TLN2: variants seen among roughly 807,000 people sequenced by gnomAD.
TLN2 encodes talin-2.
TLN2 carries 118 observed loss-of-function variants against 294.7 expected under a neutral mutation model. That is an observed-to-expected ratio of 0.40 (90% CI 0.34 to 0.47). The LOEUF is 0.47. Among genes scored for constraint, TLN2 ranks in the 20% least tolerant of loss-of-function variants. The pLI is 0.84. For missense variants in TLN2, 3,083 were observed against 3,282.2 expected (o/e 0.94, Z 1.48); for synonymous variants, 1,431 against 1,304.5 (o/e 1.10, Z -2.09).
At chr15:62,683,565 G>A (rs909948088) in intron 11 of TLN2, among the ~76,000 whole-genome samples, 8 of 150,796 alleles carry the variant, frequency 5.3e-5, no homozygotes, top group Admixed American at 6.6e-5. Flanking sequence ...GCATTCTCCC[G>A]CCTCTCATTG....
intron 1 of TLN2, among the ~76,000 whole-genome samples, chr15:62,536,507 C>A (rs1252149022): frequency 6.6e-6 from 1 of 152,162 alleles, no homozygotes; most frequent in Non-Finnish European, 1.5e-5. Flanking sequence ...TGGTTAAATG[C>A]TGTTAATAAA....
intron 1 of TLN2, among the ~76,000 whole-genome samples, chr15:62,392,632 T>C (rs972049084): frequency 3.3e-5 from 5 of 152,142 alleles, no homozygotes; most frequent in African/African-American, 1.2e-4. Flanking sequence ...AGGCAGCCAA[T>C]TGCAGGAACG....
intron 54 of TLN2, among the ~76,000 whole-genome samples, chr15:62,827,087 G>T (rs1022069892): frequency 7.4e-6 from 1 of 134,366 alleles, no homozygotes; most frequent in African/African-American, 2.6e-5. Context: ...AGTTTTCAGG[G>T]AGGGAGGCAA....
At chr15:62,538,818 A>G (rs1222025658) in intron 1 of TLN2, among the ~76,000 whole-genome samples, 1 of 152,174 alleles carries the variant, frequency 6.6e-6, no homozygotes, top group Non-Finnish European at 1.5e-5. Flanking sequence ...AATTGTTACA[A>G]TTTCTAAGAA....
At chr15:62,738,543 C>T (rs950615931) in intron 30 of TLN2, among the ~76,000 whole-genome samples, 1 of 152,130 alleles carries the variant, frequency 6.6e-6, no homozygotes. Flanking sequence ...TCTTTGAGCC[C>T]ATGTTGCCAT....
chr15:62,586,663 T>A (rs985035688), intron 1 of TLN2, among the ~76,000 whole-genome samples: 1 of 152,172 alleles, frequency 6.6e-6, no homozygotes, highest in Non-Finnish European at 1.5e-5. Flanking sequence ...TATAACCCAA[T>A]AAAAATAAAT....
chr15:62,610,797 C>T (rs2047849792), intron 2 of TLN2, among the ~76,000 whole-genome samples: 1 of 152,184 alleles, frequency 6.6e-6, no homozygotes, highest in African/African-American at 2.4e-5. Flanking sequence ...TAAATTTTAA[C>T]ATGTGGATTT....
Position 62,673,018 on chromosome 15 carries a change from T to A in TLN2, c.789-809T>A, listed in dbSNP as rs2055615060. Among the ~76,000 whole-genome samples, 7 of 151,970 alleles carry A rather than the reference T, an allele frequency of 4.6e-5. No homozygotes were observed. The South Asian group carries it at 1.5e-3, about 32-fold the overall frequency. ...AGCAACCATAATTACTCATTTACTT[T>A]ATCCTAATTATATGTAACATCCTAC... On this transcript the variant is annotated intron_variant, in intron 9 of 58. Coordinates refer to ENST00000636159, the MANE Select transcript of TLN2 (RefSeq NM_015059.3).
chr15:62,825,173 C>T (rs2067939235), intron 54 of TLN2, among the ~76,000 whole-genome samples: 1 of 152,126 alleles, frequency 6.6e-6, no homozygotes, highest in Admixed American at 6.6e-5. Context: ...CTCTGTCAGG[C>T]GGGTTTCAAG....
intron 1 of TLN2, among the ~76,000 whole-genome samples, chr15:62,565,349 A>C (rs1361672956): frequency 6.6e-6 from 1 of 152,254 alleles, no homozygotes; most frequent in Non-Finnish European, 1.5e-5. Flanking sequence ...GTATATACAT[A>C]ATAAATTGCA....
In TLN2 at chr15:62,717,667, A is replaced by C; in HGVS notation, c.2855A>C (p.Gln952Pro). 1 of 1,599,244 alleles carries C rather than the reference A, an allele frequency of 6.3e-7. No homozygotes were observed. The highest frequency in any genetic ancestry group is 8.5e-7 in the Non-Finnish European group (1 of 1,173,778). Residue 952 changes from glutamine (Q) to proline (P), a missense_variant, in exon 24 of 59, where the codon CAG (glutamine) becomes CCG (proline). By Grantham distance (76) the Gln-to-Pro change is moderately conservative. Coordinates refer to ENST00000636159, the MANE Select transcript of TLN2 (RefSeq NM_015059.3). ...AVSNKNPAAQ[Q>P]QLVQSCKAVA... is the part of the protein sequence containing the mutation. ...TCCAACAAGAACCCTGCGGCCCAGC[A>C]GCAGCTGGTCCAGAGTTGCAAGGTG...
intron 2 of TLN2, among the ~76,000 whole-genome samples, chr15:62,611,171 G>A (rs1475322353): frequency 6.6e-6 from 1 of 152,134 alleles, no homozygotes; most frequent in Non-Finnish European, 1.5e-5. Context: ...TATTTATAAA[G>A]CCTCTTTATA....
intron 41 of TLN2, among the ~76,000 whole-genome samples, chr15:62,768,528 A>T (rs1278715258): frequency 6.6e-6 from 1 of 152,168 alleles, no homozygotes. Context: ...TCCACATGAG[A>T]TCACATTCCC....
At chr15:62,513,495 G>A (rs1450841769) in intron 1 of TLN2, among the ~76,000 whole-genome samples, 2 of 152,214 alleles carry the variant, frequency 1.3e-5, no homozygotes, top group East Asian at 1.9e-4. Context: ...TGTTTCGACA[G>A]GGAAATGTCT....
chr15:62,455,424 G>A (rs916275626), intron 1 of TLN2, among the ~76,000 whole-genome samples: 4 of 152,264 alleles, frequency 2.6e-5, no homozygotes, highest in East Asian at 1.9e-4. Flanking sequence ...ATGGTACAGC[G>A]CAGTAGGAGT....
intron 7 of TLN2, among the ~76,000 whole-genome samples, chr15:62,654,846 C>T (rs1260172198): frequency 2.6e-5 from 4 of 150,958 alleles, no homozygotes; most frequent in African/African-American, 9.8e-5. Flanking sequence ...ATGGAAAAGC[C>T]AGCACGTAAC....
intron 1 of TLN2, among the ~76,000 whole-genome samples, chr15:62,408,771 C>G (rs930806608): frequency 1.3e-4 from 19 of 151,952 alleles, no homozygotes; most frequent in African/African-American, 4.6e-4. Context: ...ATTTGGTAGT[C>G]CAAATTAATT....
At chr15:62,706,297 C>G (rs1015147457) in intron 19 of TLN2, among the ~76,000 whole-genome samples, 2 of 152,224 alleles carry the variant, frequency 1.3e-5, no homozygotes, top group African/African-American at 4.8e-5. Flanking sequence ...AGATGGGTGA[C>G]AAATCTGGTA....
chr15:62,537,846 T>C (rs1369432338), intron 1 of TLN2, among the ~76,000 whole-genome samples: 1 of 152,184 alleles, frequency 6.6e-6, no homozygotes, highest in Non-Finnish European at 1.5e-5. Flanking sequence ...CATCCTTTCC[T>C]TTTGATAGTG....
Sources: gnomAD v4.1 joint callset for allele counts (sites outside exome capture counted in the v4.1 genomes callset) on GRCh38, gnomAD v4.1.1 for gene constraint, MANE v1.5 for transcripts, NCBI Gene and HGNC (gene_info 2026-07-23, HGNC 2026-07-21) for gene names.